The following MCM6 variants were observed in gnomAD, a reference collection of about 807,000 sequenced individuals.
The protein encoded by MCM6 is minichromosome maintenance complex component 6.
Under a neutral mutation model 94.3 loss-of-function variants are expected in MCM6, and 46 were observed. The observed-to-expected ratio is 0.49, with a 90% CI of 0.39 to 0.62. The LOEUF (loss-of-function observed/expected upper bound fraction) is 0.62, where lower values mean the gene tolerates loss of function less well. MCM6 is among the 20% of genes least tolerant of loss of function. The pLI is 0.00. For synonymous variants in MCM6, 335 were observed against 351.9 expected, an observed-to-expected ratio of 0.95 and a Z score of 0.54; for missense variants, 865 against 1,017.9, an observed-to-expected ratio of 0.85 and a Z score of 2.04.
intron 16 of MCM6, among the ~76,000 whole-genome samples, chr2:135,842,550 G>C (rs1369715769): frequency 2.6e-5 from 4 of 152,178 alleles, no homozygotes; most frequent in Non-Finnish European, 5.9e-5. Context: ...TTCCATAAGA[G>C]AGACAAACTA....
intron 16 of MCM6, among the ~76,000 whole-genome samples, chr2:135,841,589 T>A (rs1679573080): frequency 6.6e-6 from 1 of 152,110 alleles, no homozygotes; most frequent in Admixed American, 6.6e-5. Flanking sequence ...TCCTAAGAAG[T>A]CTGGCAAGGC....
intron 8 of MCM6, among the ~76,000 whole-genome samples, chr2:135,859,944 C>A (rs1346599443): frequency 6.6e-6 from 1 of 152,038 alleles, no homozygotes; most frequent in African/African-American, 2.4e-5. Flanking sequence ...GCTGGGATTA[C>A]AGGTGTGCGC....
At chr2:135,858,887 G>GTT (rs4988202) in intron 9 of MCM6, among the ~76,000 whole-genome samples, 2 of 151,630 alleles carry the variant, frequency 1.3e-5, no homozygotes, top group Non-Finnish European at 2.9e-5. Flanking sequence ...AGAATGCTGG[G>GTT]TTTTTTTTGT....
intron 10 of MCM6, 107 bp downstream of exon 10, chr2:135,857,790 G>T: frequency 1.2e-6 from 1 of 840,280 alleles, no homozygotes; most frequent in Non-Finnish European, 2.0e-6. Flanking sequence ...TTAATGAACA[G>T]CATTACACAC....
chr2:135,842,047 G>A (rs1465177454), intron 16 of MCM6, among the ~76,000 whole-genome samples: 1 of 152,116 alleles, frequency 6.6e-6, no homozygotes, highest in African/African-American at 2.4e-5. Flanking sequence ...GGAAGTTGCG[G>A]CGAGCTGAGA....
intron 4 of MCM6, among the ~76,000 whole-genome samples, chr2:135,867,149 CAT>C (rs1195368929): frequency 2.0e-5 from 3 of 152,142 alleles, no homozygotes; most frequent in South Asian, 4.1e-4. Context: ...TTTACAGATA[CAT>C]GTTTTTTTAC....
intron 6 of MCM6, among the ~76,000 whole-genome samples, chr2:135,865,628 A>G (rs1259276335): frequency 1.3e-5 from 2 of 152,242 alleles, no homozygotes; most frequent in Non-Finnish European, 2.9e-5. Flanking sequence ...AGAATAACAG[A>G]GGAACTATGA....
intron 8 of MCM6, among the ~76,000 whole-genome samples, chr2:135,862,212 C>T (rs1680007712): frequency 6.6e-6 from 1 of 151,342 alleles, no homozygotes; most frequent in South Asian, 2.1e-4. Flanking sequence ...ATTGAAATTA[C>T]AAGTATGTAT....
chr2:135,867,498 G>C (rs1680112977), intron 4 of MCM6, among the ~76,000 whole-genome samples: 1 of 152,070 alleles, frequency 6.6e-6, no homozygotes, highest in African/African-American at 2.4e-5. Flanking sequence ...CAAATAAGGA[G>C]AATGATTATC....
intron 10 of MCM6, 69 bp from the exon 11 acceptor site, chr2:135,856,952 T>A (rs2105581650): frequency 7.2e-7 from 1 of 1,384,342 alleles, no homozygotes; most frequent in Non-Finnish European, 9.9e-7. Flanking sequence ...AACAACATGT[T>A]CAATCTCACC....
At chr2:135,847,543 G>A (rs1260770850) in intron 14 of MCM6, among the ~76,000 whole-genome samples, 1 of 152,178 alleles carries the variant, frequency 6.6e-6, no homozygotes, top group Non-Finnish European at 1.5e-5. Flanking sequence ...CCATTTTGCT[G>A]CCTTTTCTTT....
intron 9 of MCM6, among the ~76,000 whole-genome samples, 190 bp downstream of exon 9, chr2:135,859,111 C>G (rs1398838452): frequency 6.6e-6 from 1 of 152,138 alleles, no homozygotes; most frequent in Non-Finnish European, 1.5e-5. Flanking sequence ...CCAGGCTGGT[C>G]TCGAACTCCT....
At chr2:135,875,615 T>C (rs1041814474) in intron 1 of MCM6, among the ~76,000 whole-genome samples, 140 of 151,804 alleles carry the variant, frequency 9.2e-4, no homozygotes, top group Non-Finnish European at 1.6e-3. Context: ...GTTATGAAGC[T>C]AGGAGCCCAG....
At chr2:135,847,575 A>AT (rs2105574091) in intron 14 of MCM6, among the ~76,000 whole-genome samples, 1 of 151,820 alleles carries the variant, frequency 6.6e-6, no homozygotes, top group East Asian at 1.9e-4. Context: ...ATATCTATGT[A>AT]TTTTTTGAGA....
In MCM6 at chr2:135,872,770, A is replaced by T. The variant is rs550021704; in HGVS notation, c.181T>A (p.Leu61Met). The change falls in exon 2 of 17, where the codon TTG becomes ATG. Residue 61 changes from leucine (L) to methionine (M), a missense_variant. Physicochemically the swap from Leu to Met is conservative, Grantham distance 15. This residue lies in a region of MCM6 where 404 missense variants were observed against 451.9 expected (regional missense o/e 0.89). Coordinates refer to ENST00000264156, the MANE Select transcript of MCM6 (RefSeq NM_005915.6). ...TCCAGGTCCACAAAACTCACAACCAATGTGTTTCTCTCAGGACGAATCAGT... is the reference window on the plus strand; with the variant it reads ...TCCAGGTCCACAAAACTCACAACCATTGTGTTTCTCTCAGGACGAATCAGT... ...EELIRPERNT[L>M]VVSFVDLEQF... is the part of the protein sequence containing the mutation. 1 of 1,614,194 alleles carries T rather than the reference A, an allele frequency of 6.2e-7. No individual in the cohort carries two copies. The highest frequency in any genetic ancestry group is 1.3e-5 in the African/African-American group (1 of 75,052).
chr2:135,868,580 A>C, intron 4 of MCM6, 31 bp downstream of exon 4: 1 of 1,601,180 alleles, frequency 6.2e-7, no homozygotes, highest in Non-Finnish European at 8.6e-7. Flanking sequence ...TCATAGATGG[A>C]CTCTGATCTA....
intron 2 of MCM6, among the ~76,000 whole-genome samples, chr2:135,872,230 G>A (rs1381013033): frequency 6.6e-6 from 1 of 152,198 alleles, no homozygotes; most frequent in Non-Finnish European, 1.5e-5. Flanking sequence ...CGGATCACCT[G>A]AGATCAGGAG....
rs774368870 is a variant in MCM6 at position 135,846,327 on chromosome 2, A to C, written c.2119T>G (p.Ser707Ala). 3.7e-6 allele frequency: 6 copies of C among 1,613,816 alleles called. No homozygotes were observed. In the East Asian group the frequency reaches 1.3e-4, roughly 36 times the overall value. ...NGYNEDINQE[S>A]APKASLRLGF... ...AGCCTTAAGGAGGCTTTGGGAGCAGACTCTTGATTTATGTCTTCATTGTAG... is the reference window on the plus strand; with the variant it reads ...AGCCTTAAGGAGGCTTTGGGAGCAGCCTCTTGATTTATGTCTTCATTGTAG... The change falls in exon 15 of 17, where the codon TCT becomes GCT. Residue 707 changes from serine (S) to alanine (A), a missense_variant. Physicochemically the swap from Ser to Ala is moderately conservative, Grantham distance 99. Coordinates refer to ENST00000264156, the MANE Select transcript of MCM6 (RefSeq NM_005915.6).
chr2:135,844,417 A>G (rs1017250314), intron 16 of MCM6, 128 bp downstream of exon 16: 15 of 690,180 alleles, frequency 2.2e-5, no homozygotes, highest in Non-Finnish European at 3.0e-5. Flanking sequence ...TACAACTCAT[A>G]CTTCTGACTA....
Sources: allele counts gnomAD v4.1 joint callset (sites outside exome capture counted in the v4.1 genomes callset), GRCh38; gene constraint gnomAD v4.1.1; regional missense constraint gnomAD v4.1.1; transcripts MANE v1.5; gene names NCBI Gene and HGNC (gene_info 2026-07-23, HGNC 2026-07-21).